CDH13: variants seen among roughly 807,000 people sequenced by gnomAD.
CDH13 encodes cadherin-13.
In CDH13, 24 loss-of-function variants were observed where a neutral mutation model predicts 63.8. The observed-to-expected ratio is 0.38, with a 90% CI of 0.27 to 0.53. The LOEUF is 0.53. Among genes scored for constraint, CDH13 ranks in the 20% least tolerant of loss-of-function variants. The pLI, the probability that CDH13 is intolerant of heterozygous loss-of-function variation, is 0.85. For synonymous variants in CDH13, 503 were observed against 355.3 expected (o/e 1.42, Z -4.67); for missense variants, 1,049 against 903.1 (o/e 1.16, Z -2.07).
intron 3 of CDH13, among the ~76,000 whole-genome samples, chr16:83,083,402 C>A (rs139565088): frequency 3.9e-5 from 6 of 152,140 alleles, no homozygotes; most frequent in African/African-American, 1.4e-4. Context: ...GAAGGCAAAA[C>A]AAGTGAACAC....
chr16:83,153,179 A>G (rs1459784540), intron 4 of CDH13, among the ~76,000 whole-genome samples: 1 of 152,104 alleles, frequency 6.6e-6, no homozygotes, highest in African/African-American at 2.4e-5. Context: ...TTTAAAGACA[A>G]TTTGGTGGGA....
chr16:83,439,759 A>G (rs2072429642), intron 6 of CDH13, among the ~76,000 whole-genome samples: 1 of 152,202 alleles, frequency 6.6e-6, no homozygotes, highest in African/African-American at 2.4e-5. Context: ...GTTTGACAGG[A>G]GAACACCAAC....
chr16:83,749,985 A>T (rs762239750), intron 11 of CDH13, among the ~76,000 whole-genome samples: 87 of 152,150 alleles, frequency 5.7e-4, no homozygotes, highest in Non-Finnish European at 1.1e-3. Context: ...TTTTTCTTTA[A>T]CATAGTCATT....
chr16:82,732,681 G>A (rs576359847), intron 1 of CDH13, among the ~76,000 whole-genome samples: 18 of 152,282 alleles, frequency 1.2e-4, no homozygotes, highest in Admixed American at 5.9e-4. Flanking sequence ...TTTCTAGTCC[G>A]TGTGCTAGTG....
chr16:82,635,077 G>A (rs1385314114), intron 1 of CDH13, among the ~76,000 whole-genome samples: 7 of 152,202 alleles, frequency 4.6e-5, no homozygotes, highest in African/African-American at 1.2e-4. Context: ...AGGTCATGCC[G>A]TTCTAAATAT....
chr16:83,167,836 G>T (rs936945228), intron 4 of CDH13, among the ~76,000 whole-genome samples: 1 of 151,790 alleles, frequency 6.6e-6, no homozygotes, highest in Non-Finnish European at 1.5e-5. Flanking sequence ...GAAAAAAAAC[G>T]TGGTACATAT....
chr16:83,446,869 C>T (rs937545962), intron 6 of CDH13, among the ~76,000 whole-genome samples: 5 of 151,744 alleles, frequency 3.3e-5, no homozygotes, highest in African/African-American at 1.2e-4. Context: ...AAAGTTATGT[C>T]TTTATAATAA....
intron 3 of CDH13, among the ~76,000 whole-genome samples, chr16:83,048,855 C>G (rs2029948728): frequency 6.6e-6 from 1 of 152,150 alleles, no homozygotes; most frequent in East Asian, 1.9e-4. Flanking sequence ...CAAATTATTT[C>G]TCCTTCAAAT....
intron 1 of CDH13, among the ~76,000 whole-genome samples, chr16:82,842,936 A>G (rs532585229): frequency 6.6e-6 from 1 of 152,308 alleles, no homozygotes; most frequent in Non-Finnish European, 1.5e-5. Flanking sequence ...TGCTGGTCTA[A>G]CAGAGGTGGA....
At chr16:82,714,876 A>G (rs879863126) in intron 1 of CDH13, among the ~76,000 whole-genome samples, 1 of 138,590 alleles carries the variant, frequency 7.2e-6, no homozygotes, top group Non-Finnish European at 1.6e-5. Flanking sequence ...TGCCATCTAG[A>G]GCCTTCAGAA....
chr16:83,081,419 C>A (rs1362238216), intron 3 of CDH13, among the ~76,000 whole-genome samples: 2 of 151,922 alleles, frequency 1.3e-5, no homozygotes, highest in Non-Finnish European at 2.9e-5. Context: ...CAACCTAGAA[C>A]AAGGATCATA....
intron 4 of CDH13, among the ~76,000 whole-genome samples, chr16:83,129,365 A>G (rs994933562): frequency 6.6e-6 from 1 of 152,236 alleles, no homozygotes; most frequent in South Asian, 2.1e-4. Flanking sequence ...GGCTTCCCCT[A>G]GAAGTGGACC....
At chr16:83,729,792 T>C (rs1002868367) in intron 10 of CDH13, among the ~76,000 whole-genome samples, 2 of 152,226 alleles carry the variant, frequency 1.3e-5, no homozygotes, top group African/African-American at 4.8e-5. Context: ...TGATCATAAT[T>C]ATTACCGCAA....
intron 1 of CDH13, among the ~76,000 whole-genome samples, chr16:82,738,992 A>C (rs2033810494): frequency 6.6e-6 from 1 of 152,208 alleles, no homozygotes; most frequent in Non-Finnish European, 1.5e-5. Flanking sequence ...AAATGAGTTA[A>C]ATATTCAAAG....
chr16:83,491,400 A>G (rs2074008263), intron 7 of CDH13, among the ~76,000 whole-genome samples: 2 of 152,176 alleles, frequency 1.3e-5, no homozygotes, highest in African/African-American at 2.4e-5. Context: ...TTTTTAAACT[A>G]TGTCTGGCTG....
At chr16:83,474,285 A>G (rs9927761) in intron 6 of CDH13, among the ~76,000 whole-genome samples, 3,821 of 152,276 alleles carry the variant, frequency 0.025, 162 homozygotes, top group African/African-American at 0.086. Flanking sequence ...CATAGGTGTC[A>G]GCCCATTTTA....
chr16:83,301,136 A>C (rs2089731951), intron 5 of CDH13, among the ~76,000 whole-genome samples: 1 of 140,842 alleles, frequency 7.1e-6, no homozygotes, highest in Non-Finnish European at 1.5e-5. Context: ...GGTTCGAGCC[A>C]TTCTCCTGCC....
intron 5 of CDH13, among the ~76,000 whole-genome samples, chr16:83,232,113 C>A (rs1250541781): frequency 6.6e-6 from 1 of 151,042 alleles, no homozygotes; most frequent in East Asian, 1.9e-4. Flanking sequence ...AGGCTTAATA[C>A]CTGATTGATG....
intron 1 of CDH13, among the ~76,000 whole-genome samples, chr16:82,841,738 TG>T (rs1314490959): frequency 6.6e-6 from 1 of 152,110 alleles, no homozygotes; most frequent in African/African-American, 2.4e-5. Flanking sequence ...AGTGTTATGA[TG>T]GTTTATGTTC....
Sources: gnomAD v4.1 joint callset for allele counts (sites outside exome capture counted in the v4.1 genomes callset) on GRCh38, gnomAD v4.1.1 for gene constraint, MANE v1.5 for transcripts, NCBI Gene and HGNC (gene_info 2026-07-23, HGNC 2026-07-21) for gene names.